The following OR1M1 variants were observed in gnomAD, a reference collection of about 807,000 sequenced individuals.
The protein encoded by OR1M1 is olfactory receptor family 1 subfamily M member 1, also known as olfactory receptor 1M1.
For missense variants in OR1M1, 397 were observed against 401.8 expected (o/e 0.99, Z 0.10); for synonymous variants, 157 against 165.5 (o/e 0.95, Z 0.39).
At position 9,094,126 on chromosome 19, in the gene OR1M1, C is replaced by G; in HGVS notation, c.882C>G (p.Asn294Lys). ...MLNPFIYSLR[N>K]RDLKGALRKL... The stretch of plus-strand genomic sequence containing the variant: ...ATCCCTTCATCTACAGCTTGAGGAA[C>G]AGAGACCTGAAAGGGGCTCTCAGGA... The change falls in exon 2 of 2, where the codon AAC (asparagine) becomes AAG (lysine). Residue 294 changes from asparagine (N) to lysine (K), a missense_variant. Physicochemically the swap from Asn to Lys is moderately conservative, Grantham distance 94. Coordinates refer to ENST00000641627, the MANE Select transcript of OR1M1 (RefSeq NM_001004456.2). The G allele has an allele frequency of 6.2e-7, 1 of 1,613,496 alleles. No individual in the cohort carries two copies. The highest frequency in any genetic ancestry group is 8.5e-7 in the Non-Finnish European group (1 of 1,179,982).
intron 1 of OR1M1, among the ~76,000 whole-genome samples, chr19:9,091,691 C>A (rs545558564): frequency 5.5e-4 from 83 of 151,516 alleles, no homozygotes; most frequent in Non-Finnish European, 1.1e-3. Context: ...GAAGGAAGTT[C>A]GACTTGTAGA....
intron 1 of OR1M1, among the ~76,000 whole-genome samples, chr19:9,090,661 C>T (rs183758669): frequency 4.0e-5 from 6 of 151,454 alleles, no homozygotes; most frequent in Non-Finnish European, 7.4e-5. Flanking sequence ...CTTGAACTCC[C>T]GACCTCAGGT....
chr19:9,091,335 T>TTA lies in OR1M1; in HGVS notation c.-13-1897_-13-1896insTA, dbSNP rs1555707736. The stretch of plus-strand genomic sequence containing the variant: ...TAAACCCCATTTCTTTTTTTTTTTT[T>TTA]AAATAGTATTTGCACCACAGGTGCT... On this transcript the variant is annotated intron_variant, in intron 1 of 1. Transcript: ENST00000641627. Among the ~76,000 whole-genome samples the TTA allele has an allele frequency of 1.1e-3, 152 of 139,472 alleles. 1 individual carries two copies. Among genetic ancestry groups the TTA allele is most frequent in the African/African-American group, 4.0e-3 (151 of 37,456 alleles). The allele number at this position is 139,472 out of a possible 152,430, so 91.5% of individuals were successfully genotyped here. A position where few individuals can be genotyped will look rare whatever the true frequency, so the allele number is the denominator to read the frequency against.
At position 9,093,077 on chromosome 19, in the gene OR1M1, T is replaced by C. The variant is rs555992219; in HGVS notation, c.-13-155T>C. On this transcript the variant is annotated intron_variant, in intron 1 of 1. Transcript: ENST00000641627. The stretch of plus-strand genomic sequence containing the variant: ...TACACACACACATATATATTCTATA[T>C]ATACACACACACACACACACACACA... The C allele has an allele frequency of 6.6e-3, 3,011 of 458,894 alleles. 78 individuals carry two copies. The highest frequency in any genetic ancestry group is 0.055 in the African/African-American group (2,373 of 43,062). The allele number at this position is 458,894 out of a possible 1,614,324, so 28.4% of individuals were successfully genotyped here.
In OR1M1 at chr19:9,093,726, T is replaced by C; in HGVS notation, c.482T>C (p.Leu161Pro). 1 of 1,613,972 alleles carries C rather than the reference T, an allele frequency of 6.2e-7. No individual in the cohort carries two copies. The highest frequency in any genetic ancestry group is 8.5e-7 in the Non-Finnish European group (1 of 1,180,012). ...FSCFISLTHI[L>P]LMARLVFCGS... Reference sequence around the variant, plus strand: ...TGCTTCATCTCACTCACTCACATCCTCCTGATGGCCCGTCTCGTTTTCTGC... The same window carrying C: ...TGCTTCATCTCACTCACTCACATCCCCCTGATGGCCCGTCTCGTTTTCTGC... The change falls in exon 2 of 2, where the codon CTC becomes CCC. Residue 161 changes from leucine (L) to proline (P), a missense_variant. By Grantham distance (98) the Leu-to-Pro change is moderately conservative. Coordinates refer to ENST00000641627, the MANE Select transcript of OR1M1 (RefSeq NM_001004456.2).
chr19:9,090,500 G>A (rs908775743), intron 1 of OR1M1, among the ~76,000 whole-genome samples: 10 of 152,210 alleles, frequency 6.6e-5, no homozygotes, highest in Admixed American at 2.6e-4. Context: ...CGCTCTTGCT[G>A]CCCAGGCAGG....
At chr19:9,091,141 CGA>C (rs2050290855) in intron 1 of OR1M1, among the ~76,000 whole-genome samples, 1 of 151,002 alleles carries the variant, frequency 6.6e-6, no homozygotes, top group African/African-American at 2.4e-5. Flanking sequence ...CACTCCAGCC[CGA>C]GTGACAGAGC....
chr19:9,093,223 T>C lies in OR1M1; in HGVS notation c.-13-9T>C. On this transcript the variant is annotated splice_polypyrimidine_tract_variant and intron_variant, in intron 1 of 1. Transcript: ENST00000641627. Reference sequence around the variant, plus strand: ...TCATTCCTATAACCTCCCCTTTCCATACTTCCAGAGGAATCACACCCATGG... The same window carrying C: ...TCATTCCTATAACCTCCCCTTTCCACACTTCCAGAGGAATCACACCCATGG... 6.5e-7 allele frequency: 1 copy of C among 1,539,298 alleles called. No individual in the cohort carries two copies. The highest frequency in any genetic ancestry group is 8.8e-7 in the Non-Finnish European group (1 of 1,130,138).
Position 9,093,831 on chromosome 19 carries a change from G to T in OR1M1, c.587G>T (p.Arg196Met). 1 of 1,614,042 alleles carries T rather than the reference G, an allele frequency of 6.2e-7. No individual in the cohort carries two copies. Among genetic ancestry groups the T allele is most frequent in the Non-Finnish European group, 8.5e-7 (1 of 1,180,036 alleles). ...RLSCTDTSVNRIFILIVAGMV... is the reference protein window; with the variant it reads ...RLSCTDTSVNMIFILIVAGMV... ...TCGTGCACGGACACCTCTGTGAATAGGATCTTCATCCTCATTGTGGCAGGG... is the reference window on the plus strand; with the variant it reads ...TCGTGCACGGACACCTCTGTGAATATGATCTTCATCCTCATTGTGGCAGGG... The change falls in exon 2 of 2, where the codon AGG becomes ATG. Residue 196 changes from arginine (R) to methionine (M), a missense_variant. Arg to Met is a moderately conservative substitution (Grantham distance 91). Coordinates refer to ENST00000641627, the MANE Select transcript of OR1M1 (RefSeq NM_001004456.2).
In OR1M1 at chr19:9,094,120, G is replaced by A. The variant is rs1423376254; in HGVS notation, c.876G>A (p.Leu292=). 6.2e-7 allele frequency: 1 copy of A among 1,613,502 alleles called. No homozygotes were observed. Among genetic ancestry groups the A allele is most frequent in the African/African-American group, 1.3e-5 (1 of 74,886 alleles). ...TGCTGAATCCCTTCATCTACAGCTT[G>A]AGGAACAGAGACCTGAAAGGGGCTC... The part of the protein sequence containing the change: ...TPMLNPFIYS[L]RNRDLKGALR... The change falls in exon 2 of 2, where the codon TTG becomes TTA. Residue 292 remains leucine (L), a synonymous_variant. Coordinates refer to ENST00000641627, the MANE Select transcript of OR1M1 (RefSeq NM_001004456.2).
chr19:9,091,207 G>T (rs918401731), intron 1 of OR1M1, among the ~76,000 whole-genome samples: 5 of 152,038 alleles, frequency 3.3e-5, no homozygotes, highest in African/African-American at 1.2e-4. Flanking sequence ...GAAAGTTCAG[G>T]CTGGGAGCAA....
At chr19:9,087,456 T>C (rs1401654679) in intron 1 of OR1M1, among the ~76,000 whole-genome samples, 2 of 150,926 alleles carry the variant, frequency 1.3e-5, no homozygotes, top group Non-Finnish European at 2.9e-5. Flanking sequence ...TTTTTGAACA[T>C]TTTTCCCCCA....
In OR1M1 at chr19:9,088,286, T is replaced by G. The variant is rs7258981; in HGVS notation, c.-14+1129T>G. ...GCAGAAGTTTGTGTTATTCCCCATG[T>G]TGGGTCTTGGAAGCCCTTGGAGATT... On this transcript the variant is annotated intron_variant, in intron 1 of 1. Transcript: ENST00000641627. Among the ~76,000 whole-genome samples, 427 of 152,034 alleles carry G rather than the reference T, an allele frequency of 2.8e-3. 4 individuals carry two copies. The highest frequency in any genetic ancestry group is 5.6e-3 in the Non-Finnish European group (379 of 67,994).
chr19:9,089,216 T>C (rs181962997), intron 1 of OR1M1, among the ~76,000 whole-genome samples: 3 of 152,270 alleles, frequency 2.0e-5, no homozygotes, highest in Non-Finnish European at 4.4e-5. Context: ...CTTCCCAGAC[T>C]CTAGTATCCT....
In OR1M1 at chr19:9,093,810, G is replaced by T. The variant is rs943143017; in HGVS notation, c.566G>T (p.Cys189Phe). Reference sequence around the variant, plus strand: ...CTCACTCCCATCCTCCGACTTTCGTGCACGGACACCTCTGTGAATAGGATC... The same window carrying T: ...CTCACTCCCATCCTCCGACTTTCGTTCACGGACACCTCTGTGAATAGGATC... ...CDLTPILRLSCTDTSVNRIFI... is the reference protein window; with the variant it reads ...CDLTPILRLSFTDTSVNRIFI... Residue 189 changes from cysteine (C) to phenylalanine (F), a missense_variant, in exon 2 of 2, where the codon TGC (cysteine) becomes TTC (phenylalanine). Physicochemically the swap from Cys to Phe is radical, Grantham distance 205. Transcript: ENST00000641627. 2 of 1,613,984 alleles carry T rather than the reference G, an allele frequency of 1.2e-6. No homozygotes were observed. Among genetic ancestry groups the T allele is most frequent in the African/African-American group, 1.3e-5 (1 of 75,044 alleles).
At position 9,088,316 on chromosome 19, in the gene OR1M1, A is replaced by G. The variant is rs116981117; in HGVS notation, c.-14+1159A>G. Among the ~76,000 whole-genome samples the G allele has an allele frequency of 9.4e-3, 1,438 of 152,306 alleles. 25 individuals carry two copies. The highest frequency in any genetic ancestry group is 0.036 in the Admixed American group (544 of 15,286). ...TCTTGGAAGCCCTTGGAGATTCCCA[A>G]GTATTCCAGGCTGAGAGATCTTAGA... On this transcript the variant is annotated intron_variant, in intron 1 of 1. Transcript: ENST00000641627.
At chr19:9,089,667 C>T (rs143080140) in intron 1 of OR1M1, among the ~76,000 whole-genome samples, 211 of 152,114 alleles carry the variant, frequency 1.4e-3, no homozygotes, top group Middle Eastern at 3.4e-3. Context: ...TCAGGCAATC[C>T]GCCTGTCTCA....
chr19:9,094,039 C>G lies in OR1M1; in HGVS notation c.795C>G (p.Val265=). The change falls in exon 2 of 2, where the codon GTC becomes GTG. Residue 265 remains valine (V), a synonymous_variant. Transcript: ENST00000641627. ...TIGVYLCPSS[V]LTTVKEKASA... is the part of the protein sequence containing the mutation. The stretch of plus-strand genomic sequence containing the variant: ...GCGTCTATCTGTGTCCCTCCTCGGT[C>G]CTCACCACTGTGAAGGAGAAAGCTT... The G allele has an allele frequency of 1.1e-5, 17 of 1,614,072 alleles. No individual in the cohort carries two copies. The highest frequency in any genetic ancestry group is 1.4e-5 in the Non-Finnish European group (17 of 1,180,032).
intron 1 of OR1M1, among the ~76,000 whole-genome samples, chr19:9,090,548 C>T (rs1346926503): frequency 6.6e-6 from 1 of 152,100 alleles, no homozygotes; most frequent in Non-Finnish European, 1.5e-5. Context: ...GCAACCTCTG[C>T]CTCAGCCTCC....
Sources: allele counts gnomAD v4.1 joint callset (sites outside exome capture counted in the v4.1 genomes callset), GRCh38; gene constraint gnomAD v4.1.1; transcripts MANE v1.5; gene names NCBI Gene and HGNC (gene_info 2026-07-23, HGNC 2026-07-21).